The following TNRC6B variants were observed in gnomAD, a reference collection of about 807,000 sequenced individuals.
TNRC6B encodes the protein trinucleotide repeat containing adaptor 6B, also known as trinucleotide repeat-containing gene 6B protein.
TNRC6B carries 52 observed loss-of-function variants against 203.6 expected under a neutral mutation model. That is an observed-to-expected ratio of 0.26 (90% CI 0.20 to 0.32). The LOEUF (loss-of-function observed/expected upper bound fraction) is 0.32, where lower values mean the gene tolerates loss of function less well. TNRC6B is among the 10% of genes least tolerant of loss of function. The pLI is 1.00. For synonymous variants in TNRC6B, 838 were observed against 845.7 expected, an observed-to-expected ratio of 0.99 and a Z score of 0.16; for missense variants, 1,923 against 2,286.2, an observed-to-expected ratio of 0.84 and a Z score of 3.24.
At chr22:40,203,677 C>T (rs2069441812) in intron 1 of TNRC6B, among the ~76,000 whole-genome samples, 1 of 150,678 alleles carries the variant, frequency 6.6e-6, no homozygotes, top group Non-Finnish European at 1.5e-5. Flanking sequence ...GTTCAGTCAT[C>T]AGAACAGAAT....
Position 40,266,457 on chromosome 22 carries a change from T to G in TNRC6B, c.2227T>G (p.Ser743Ala). The G allele has an allele frequency of 2.5e-6, 4 of 1,613,682 alleles. No individual in the cohort carries two copies. The highest frequency in any genetic ancestry group is 3.4e-6 in the Non-Finnish European group (4 of 1,179,786). Residue 743 changes from serine to alanine, a missense_variant, in exon 5 of 23, where the codon TCT (serine) becomes GCT (alanine). By Grantham distance (99) the Ser-to-Ala change is moderately conservative. This residue lies in a region of TNRC6B where 599 missense variants were observed against 656.5 expected (regional missense o/e 0.91). Transcript: ENST00000454349. ...TGGACGCCAGCCCAATCAAGGATGG[T>G]CTTCTGGAAAGAATGGTTGGGGGGA... is the stretch of plus-strand genomic sequence containing the variant. ...GGGRQPNQGW[S>A]SGKNGWGEEV...
chr22:40,106,459 C>G (rs977114498), intron 1 of TNRC6B: 2 of 786,778 alleles, frequency 2.5e-6, no homozygotes, highest in Admixed American at 1.7e-5. Flanking sequence ...TTATTTGCTT[C>G]TTTGAAGCAT....
Position 40,329,630 on chromosome 22 carries a change from G to A in TNRC6B, c.*6389G>A, listed in dbSNP as rs957315733. 2 of 152,116 alleles carry A rather than the reference G, an allele frequency of 1.3e-5. No homozygotes were observed. Among genetic ancestry groups the A allele is most frequent in the Non-Finnish European group, 2.9e-5 (2 of 68,050 alleles). 9.4% of individuals were successfully genotyped at this position (152,116 alleles called of 1,614,324 possible). A position where few individuals can be genotyped will look rare whatever the true frequency, so the allele number is the denominator to read the frequency against. Reference sequence around the variant, plus strand: ...CATGAACCTACGAGGTGGTAAAGGGGGACACAGGTCAGGGAGTGGAGAGCT... The same window carrying A: ...CATGAACCTACGAGGTGGTAAAGGGAGACACAGGTCAGGGAGTGGAGAGCT... On this transcript the variant is annotated 3_prime_UTR_variant, in exon 23 of 23. Transcript: ENST00000454349.
intron 1 of TNRC6B, among the ~76,000 whole-genome samples, chr22:40,192,656 G>T (rs199671800): frequency 1.3e-5 from 2 of 151,978 alleles, no homozygotes; most frequent in African/African-American, 2.4e-5. Flanking sequence ...AGCTCCTTCC[G>T]AAGTGGGATG....
At chr22:40,083,938 A>T (rs776354922) in intron 1 of TNRC6B, among the ~76,000 whole-genome samples, 31 of 152,240 alleles carry the variant, frequency 2.0e-4, no homozygotes, top group Non-Finnish European at 3.5e-4. Flanking sequence ...CAGAGGGGAG[A>T]GTAGGAGAGC....
intron 1 of TNRC6B, among the ~76,000 whole-genome samples, chr22:40,068,524 G>A (rs1163037082): frequency 6.6e-6 from 1 of 151,908 alleles, no homozygotes; most frequent in Non-Finnish European, 1.5e-5. Flanking sequence ...CACCATGTTG[G>A]CCAGGCTGGT....
chr22:40,239,536 C>A (rs565442754), intron 1 of TNRC6B, among the ~76,000 whole-genome samples: 5 of 152,170 alleles, frequency 3.3e-5, no homozygotes, highest in Non-Finnish European at 7.3e-5. Context: ...CTAGGACTTG[C>A]CACTAGGGTA....
intron 15 of TNRC6B, among the ~76,000 whole-genome samples, chr22:40,302,710 C>G (rs2071039242): frequency 6.6e-6 from 1 of 151,794 alleles, no homozygotes; most frequent in Non-Finnish European, 1.5e-5. Context: ...GGACAAATGG[C>G]AGCGGCTGAC....
intron 1 of TNRC6B, among the ~76,000 whole-genome samples, chr22:40,063,903 ATGT>A (rs2067874439): frequency 6.6e-6 from 1 of 151,902 alleles, no homozygotes; most frequent in Non-Finnish European, 1.5e-5. Flanking sequence ...GGGTTTTGCT[ATGT>A]TGCCTAGGTT....
intron 1 of TNRC6B, among the ~76,000 whole-genome samples, chr22:40,192,777 TG>T (rs2069290641): frequency 6.6e-6 from 1 of 152,138 alleles, no homozygotes; most frequent in Non-Finnish European, 1.5e-5. Flanking sequence ...AGCAGGGGTT[TG>T]GGCTATGTGG....
At chr22:40,215,293 G>C (rs2069620539) in intron 1 of TNRC6B, among the ~76,000 whole-genome samples, 1 of 152,028 alleles carries the variant, frequency 6.6e-6, no homozygotes. Context: ...CATTTTTCAT[G>C]TGTGATTTAT....
chr22:40,210,028 A>AC (rs986352845), intron 1 of TNRC6B, among the ~76,000 whole-genome samples: 1 of 151,254 alleles, frequency 6.6e-6, no homozygotes, highest in African/African-American at 2.4e-5. Flanking sequence ...AAAAAAAAAA[A>AC]AAAAGAGAGA....
At chr22:40,181,426 A>C (rs1445609859) in intron 1 of TNRC6B, among the ~76,000 whole-genome samples, 1 of 152,190 alleles carries the variant, frequency 6.6e-6, no homozygotes, top group Non-Finnish European at 1.5e-5. Flanking sequence ...TATAACTCAG[A>C]TCATATAATC....
At chr22:40,148,283 C>G (rs201970993) in intron 3 of TNRC6B, among the ~76,000 whole-genome samples, 3 of 128,798 alleles carry the variant, frequency 2.3e-5, no homozygotes, top group Non-Finnish European at 5.1e-5. Flanking sequence ...AAAACAGTTT[C>G]TTTTTTTTTT....
chr22:40,179,514 AAAATATGC>A (rs2069106806), intron 1 of TNRC6B, among the ~76,000 whole-genome samples: 1 of 152,248 alleles, frequency 6.6e-6, no homozygotes, highest in African/African-American at 2.4e-5. Flanking sequence ...AAAGGCATTT[AAAATATGC>A]AAATGGGTTG....
intron 1 of TNRC6B, among the ~76,000 whole-genome samples, chr22:40,230,346 G>T (rs1041437617): frequency 3.5e-5 from 5 of 143,012 alleles, no homozygotes; most frequent in Non-Finnish European, 7.5e-5. Context: ...CTGGAGTGCA[G>T]TGGCACCATC....
At chr22:40,242,959 T>TCTGGGTTCAAGCAATTC (rs1457107452) in intron 1 of TNRC6B, among the ~76,000 whole-genome samples, 1 of 151,504 alleles carries the variant, frequency 6.6e-6, no homozygotes, top group Non-Finnish European at 1.5e-5. Context: ...AACTTCTGCC[T>TCTGGGTTCAAGCAATTC]CTGGGTTCAA....
intron 1 of TNRC6B, among the ~76,000 whole-genome samples, chr22:40,242,677 G>A (rs372514927): frequency 1.3e-5 from 2 of 151,962 alleles, no homozygotes; most frequent in Non-Finnish European, 2.9e-5. Context: ...TGATCCACCC[G>A]CCTTGGCCTC....
chr22:40,146,229 C>T (rs1359974314), intron 3 of TNRC6B, among the ~76,000 whole-genome samples: 1 of 152,120 alleles, frequency 6.6e-6, no homozygotes, highest in African/African-American at 2.4e-5. Context: ...GACAATAAGA[C>T]ACATGAACAA....
Sources: gnomAD v4.1 joint callset for allele counts (sites outside exome capture counted in the v4.1 genomes callset) on GRCh38, gnomAD v4.1.1 for gene constraint, gnomAD v4.1.1 regional missense constraint, MANE v1.5 for transcripts, NCBI Gene and HGNC (gene_info 2026-07-23, HGNC 2026-07-21) for gene names.